Variants in RAP1GAP observed in about 807,000 individuals in gnomAD.
The protein encoded by RAP1GAP is rap1 GTPase-activating protein 1.
RAP1GAP carries 35 observed loss-of-function variants against 87.2 expected under a neutral mutation model. The observed-to-expected ratio is 0.40, with a 90% CI of 0.31 to 0.53. The LOEUF (loss-of-function observed/expected upper bound fraction) is 0.53, where lower values mean the gene tolerates loss of function less well. Ranked by LOEUF, RAP1GAP falls within the 20% of genes least tolerant of loss-of-function variation. The pLI, the probability that RAP1GAP is intolerant of heterozygous loss-of-function variation, is 0.48. For missense variants in RAP1GAP, 734 were observed against 898.9 expected (o/e 0.82, Z 2.35); for synonymous variants, 375 against 363.9 (o/e 1.03, Z -0.35).
chr1:21,608,413 A>G (rs1035367527), intron 16 of RAP1GAP, 63 bp from the exon 17 acceptor site: 2 of 1,567,988 alleles, frequency 1.3e-6, no homozygotes, highest in African/African-American at 2.7e-5. Flanking sequence ...CCCACAGTTC[A>G]AATCCTGGCC....
chr1:21,602,283 G>A (rs898770887), intron 19 of RAP1GAP, among the ~76,000 whole-genome samples: 4 of 152,222 alleles, frequency 2.6e-5, no homozygotes, highest in Non-Finnish European at 4.4e-5. Context: ...GGTTGGGACA[G>A]TAAGGCTCAG....
At chr1:21,614,538 C>T (rs989411402) in intron 7 of RAP1GAP, among the ~76,000 whole-genome samples, 1 of 152,180 alleles carries the variant, frequency 6.6e-6, no homozygotes, top group Non-Finnish European at 1.5e-5. Context: ...GATTGCCCAA[C>T]CTGTGACTCT....
Position 21,598,057 on chromosome 1 carries a change from A to G in RAP1GAP, c.1887T>C (p.Ser629=). Residue 629 remains serine (S), a synonymous_variant, in exon 23 of 25, where the codon TCT becomes TCC. Coordinates refer to ENST00000374765, the MANE Select transcript of RAP1GAP (RefSeq NM_002885.4). ...TTSGGSSPGP[S]RSPHPDAGKL... The stretch of plus-strand genomic sequence containing the variant: ...TGCCGGCGTCTGGGTGGGGTGATCG[A>G]GAGGGGCCTGGGGAGGGGGGCAGGA... 7.0e-7 allele frequency: 1 copy of G among 1,429,276 alleles called. No homozygotes were observed. The allele number at this position is 1,429,276 out of a possible 1,614,324, so 88.5% of individuals were successfully genotyped here. A position where few individuals can be genotyped will look rare whatever the true frequency, so the allele number is the denominator to read the frequency against.
chr1:21,614,398 G>A (rs2080598967), intron 7 of RAP1GAP, among the ~76,000 whole-genome samples: 1 of 152,222 alleles, frequency 6.6e-6, no homozygotes, highest in African/African-American at 2.4e-5. Context: ...TCAGTTCAGT[G>A]AAGGTGGGTA....
Position 21,608,925 on chromosome 1 carries a change from G to C in RAP1GAP, c.1083C>G (p.Phe361Leu). 1 of 1,613,826 alleles carries C rather than the reference G, an allele frequency of 6.2e-7. No homozygotes were observed. The highest frequency in any genetic ancestry group is 8.5e-7 in the Non-Finnish European group (1 of 1,179,748). Residue 361 changes from phenylalanine (F) to leucine (L), a missense_variant, in exon 16 of 25, where the codon TTC becomes TTG. Phe to Leu is a conservative substitution (Grantham distance 22). Around this residue, in one of 2 missense-constraint regions of RAP1GAP, gnomAD observed 485 missense variants for 646.2 expected, o/e 0.75. Coordinates refer to ENST00000374765, the MANE Select transcript of RAP1GAP (RefSeq NM_002885.4). ...DPAVFRKGPE[F>L]QEFLLTKLIN... ...TCAGCTTTGTCAGCAAAAATTCCTGGAACTCAGGCCCCTGGAAACTCCCAG... is the reference window on the plus strand; with the variant it reads ...TCAGCTTTGTCAGCAAAAATTCCTGCAACTCAGGCCCCTGGAAACTCCCAG...
At position 21,622,455 on chromosome 1, in the gene RAP1GAP, C is replaced by A. The variant is rs1316284903; in HGVS notation, c.-18-2405G>T. 1 of 199,124 alleles carries A rather than the reference C, an allele frequency of 5.0e-6. No homozygotes were observed. The highest frequency in any genetic ancestry group is 9.9e-6 in the Non-Finnish European group (1 of 100,812). 12.3% of individuals were successfully genotyped at this position (199,124 alleles called of 1,614,324 possible). Reference sequence around the variant, plus strand: ...CCCGGCCCCCGCCGGGGCGGCACTTCAGCTGGCCCAGCCGGCTCCTGGCCC... The same window carrying A: ...CCCGGCCCCCGCCGGGGCGGCACTTAAGCTGGCCCAGCCGGCTCCTGGCCC... On this transcript the variant is annotated intron_variant, in intron 3 of 24. Transcript: ENST00000374765. This position sits in a 1 kb window ranked among gnomAD's most constrained non-coding sequence, Gnocchi z 5.7.
intron 1 of RAP1GAP, among the ~76,000 whole-genome samples, chr1:21,654,699 G>T (rs2152129840): frequency 6.6e-6 from 1 of 152,250 alleles, no homozygotes; most frequent in South Asian, 2.1e-4. Flanking sequence ...AGGTGTGATG[G>T]TGCACATATG....
chr1:21,613,182 G>T lies in RAP1GAP; in HGVS notation c.522C>A (p.Tyr174Ter). ...VNVDRFYPVL[Y>*]PKASRLIVTF... ...TGCCCAGATCCAGCCATACCTTGGG[G>T]TAGAGCACAGGATAGAACCGATCCA... The change falls in exon 10 of 25, where the codon TAC becomes TAA. Residue 174 changes from tyrosine to a stop codon, truncating the protein, a stop_gained. Coordinates refer to ENST00000374765, the MANE Select transcript of RAP1GAP (RefSeq NM_002885.4). LOFTEE classifies it high-confidence loss of function. The surrounding 1 kb of genome is among the most constrained non-coding windows in gnomAD (Gnocchi z 4.7). The T allele has an allele frequency of 6.4e-7, 1 of 1,552,142 alleles. No homozygotes were observed. The highest frequency in any genetic ancestry group is 8.9e-7 in the Non-Finnish European group (1 of 1,123,736).
At chr1:21,602,707 G>C in intron 19 of RAP1GAP, 97 bp downstream of exon 19, 3 of 1,055,908 alleles carry the variant, frequency 2.8e-6, no homozygotes, top group Non-Finnish European at 4.1e-6. Context: ...GAGAGGCAGA[G>C]GGGCGGGCAC....
intron 13 of RAP1GAP, among the ~76,000 whole-genome samples, chr1:21,611,035 AC>A (rs2077895959): frequency 6.6e-6 from 1 of 152,092 alleles, no homozygotes; most frequent in East Asian, 1.9e-4. Context: ...GCCACCTGGA[AC>A]ATTTCCCTTC....
At position 21,603,056 on chromosome 1, in the gene RAP1GAP, G is replaced by A; in HGVS notation, c.1429-143C>T. On this transcript the variant is annotated intron_variant, in intron 18 of 24. Transcript: ENST00000374765. This position sits in a 1 kb window ranked among gnomAD's most constrained non-coding sequence, Gnocchi z 6.0. ...GAACGAGAGAAGATATCCATTCCCA[G>A]AGACAGCCTCCCAGTTTACGAAAGG... 1.6e-6 allele frequency: 1 copy of A among 620,396 alleles called. No homozygotes were observed. The highest frequency in any genetic ancestry group is 1.8e-5 in the African/African-American group (1 of 54,292). The allele number at this position is 620,396 out of a possible 1,614,324, so 38.4% of individuals were successfully genotyped here. A position where few individuals can be genotyped will look rare whatever the true frequency, so the allele number is the denominator to read the frequency against.
In RAP1GAP at chr1:21,622,311, C is replaced by A. The variant is rs949572007; in HGVS notation, c.-18-2261G>T. 7 of 503,100 alleles carry A rather than the reference C, an allele frequency of 1.4e-5. No individual in the cohort carries two copies. The highest frequency in any genetic ancestry group is 2.6e-5 in the South Asian group (1 of 38,044). The allele number at this position is 503,100 out of a possible 1,614,324, so 31.2% of individuals were successfully genotyped here. Reference sequence around the variant, plus strand: ...GGGTGACCCAGCCCCGGGGTCCCTCCGCCATGCCGCCCCGCCCGGGTCCTC... The same window carrying A: ...GGGTGACCCAGCCCCGGGGTCCCTCAGCCATGCCGCCCCGCCCGGGTCCTC... On this transcript the variant is annotated intron_variant, in intron 3 of 24. Transcript: ENST00000374765. The surrounding 1 kb of genome is among the most constrained non-coding windows in gnomAD (Gnocchi z 5.7).
rs79243146 is a variant in RAP1GAP at position 21,644,273 on chromosome 1, T to A, written c.-113+5488A>T. Among the ~76,000 whole-genome samples, 1,044 of 152,276 alleles carry A rather than the reference T, an allele frequency of 6.9e-3. 10 individuals are homozygous for A. Among genetic ancestry groups the A allele is most frequent in the East Asian group, 0.026 (135 of 5,178 alleles). ...GCTCCCCCATGGCCAGCTCCTCTCA[T>A]CCTTCAGGTTTTGGTTCAAACACCC... On this transcript the variant is annotated intron_variant, in intron 2 of 24. Transcript: ENST00000374765.
At chr1:21,604,124 G>A (rs1304487004) in intron 18 of RAP1GAP, among the ~76,000 whole-genome samples, 1 of 152,072 alleles carries the variant, frequency 6.6e-6, no homozygotes, top group Non-Finnish European at 1.5e-5. Flanking sequence ...GAGGACAAGG[G>A]AGACGGGGGA....
At chr1:21,625,154 G>C (rs729139) in intron 3 of RAP1GAP, among the ~76,000 whole-genome samples, 1,666 of 152,314 alleles carry the variant, frequency 0.011, 35 homozygotes, top group African/African-American at 0.038. Flanking sequence ...CATGAAGGTG[G>C]TGGCCCCACA....
intron 2 of RAP1GAP, among the ~76,000 whole-genome samples, chr1:21,648,350 C>T (rs549429361): frequency 1.1e-4 from 16 of 152,342 alleles, no homozygotes; most frequent in African/African-American, 3.8e-4. Context: ...GCGCATCCTT[C>T]GTTCAGACCC....
chr1:21,650,223 C>T (rs2096452950), intron 1 of RAP1GAP, among the ~76,000 whole-genome samples: 1 of 152,048 alleles, frequency 6.6e-6, no homozygotes, highest in Admixed American at 6.5e-5. Context: ...AGAACATCAC[C>T]CCCAAGGCCC....
At chr1:21,606,269 C>G (rs2074496375) in intron 17 of RAP1GAP, 72 bp from the exon 18 acceptor site, 2 of 1,524,958 alleles carry the variant, frequency 1.3e-6, no homozygotes, top group Non-Finnish European at 1.8e-6. Flanking sequence ...CCCAGGAGCC[C>G]AGGCATCTGG....
chr1:21,598,299 A>G, intron 22 of RAP1GAP, 101 bp downstream of exon 22: 1 of 1,130,124 alleles, frequency 8.8e-7, no homozygotes, highest in Non-Finnish European at 1.3e-6. Flanking sequence ...GGGCAGTCAC[A>G]TCACATCCAC....
Sources: allele counts gnomAD v4.1 joint callset (sites outside exome capture counted in the v4.1 genomes callset), GRCh38; gene constraint gnomAD v4.1.1; regional missense constraint gnomAD v4.1.1; non-coding constraint Gnocchi (gnomAD v3.1); transcripts MANE v1.5; gene names NCBI Gene and HGNC (gene_info 2026-07-23, HGNC 2026-07-21).